EXOC6B: variants seen among roughly 807,000 people sequenced by gnomAD.
The protein encoded by EXOC6B is exocyst complex component 6B, also known as SEC15 homolog B.
In EXOC6B, 54 loss-of-function variants were observed where a neutral mutation model predicts 113.5. The ratio of observed to expected loss-of-function variants is 0.48; its 90% CI spans 0.38 to 0.60. EXOC6B has a LOEUF of 0.60. EXOC6B is among the 20% of genes least tolerant of loss of function. The pLI is 0.00. For missense variants in EXOC6B, 797 were observed against 977.5 expected, an observed-to-expected ratio of 0.82 and a Z score of 2.46; for synonymous variants, 357 against 339.0, an observed-to-expected ratio of 1.05 and a Z score of -0.58.
intron 18 of EXOC6B, among the ~76,000 whole-genome samples, chr2:72,404,715 CA>C (rs1405480004): frequency 6.6e-6 from 1 of 152,172 alleles, no homozygotes; most frequent in Non-Finnish European, 1.5e-5. Flanking sequence ...TGTACATCAC[CA>C]TCATCAAAGA....
intron 6 of EXOC6B, among the ~76,000 whole-genome samples, chr2:72,676,435 T>C (rs1232680717): frequency 6.6e-6 from 1 of 152,232 alleles, no homozygotes; most frequent in African/African-American, 2.4e-5. Context: ...ATTGTTTTGC[T>C]CTTTTGTCTG....
chr2:72,496,673 T>C (rs558809149), intron 13 of EXOC6B, 114 bp from the exon 14 acceptor site: 1 of 690,284 alleles, frequency 1.4e-6, no homozygotes, highest in South Asian at 1.6e-5. Context: ...TGAACTCCAA[T>C]CTTAATATAT....
At chr2:72,401,513 A>ATCTTAAGTGAAAT (rs1693174256) in intron 18 of EXOC6B, among the ~76,000 whole-genome samples, 3 of 39,688 alleles carry the variant, frequency 7.6e-5, no homozygotes, top group Non-Finnish European at 1.1e-4. Flanking sequence ...ATATATATAT[A>ATCTTAAGTGAAAT]TACATATATA....
intron 1 of EXOC6B, among the ~76,000 whole-genome samples, chr2:72,782,999 C>G (rs1211108393): frequency 6.6e-6 from 1 of 152,144 alleles, no homozygotes; most frequent in Non-Finnish European, 1.5e-5. Flanking sequence ...TGCAGTTATC[C>G]CTCTGATATA....
At chr2:72,209,151 A>C (rs1346722528) in intron 20 of EXOC6B, among the ~76,000 whole-genome samples, 1 of 138,116 alleles carries the variant, frequency 7.2e-6, no homozygotes, top group East Asian at 2.4e-4. Context: ...TGAACCCGGG[A>C]GGCAGAGGTT....
intron 20 of EXOC6B, among the ~76,000 whole-genome samples, chr2:72,259,398 A>G (rs1683566765): frequency 6.6e-6 from 1 of 152,222 alleles, no homozygotes; most frequent in Admixed American, 6.5e-5. Flanking sequence ...ATTCAATTGT[A>G]TGTATATACT....
intron 20 of EXOC6B, among the ~76,000 whole-genome samples, chr2:72,310,850 A>AAC (rs375159478): frequency 0.092 from 11,091 of 120,246 alleles, 567 homozygotes; most frequent in Admixed American, 0.15. Context: ...TATTTCATTT[A>AAC]ACACACACAC....
At chr2:72,378,555 T>C (rs1262814169) in intron 19 of EXOC6B, among the ~76,000 whole-genome samples, 3 of 152,218 alleles carry the variant, frequency 2.0e-5, no homozygotes, top group Admixed American at 2.0e-4. Context: ...TACAATTGTT[T>C]ATGGCAAAAG....
chr2:72,810,892 T>C (rs189081127), intron 1 of EXOC6B, among the ~76,000 whole-genome samples: 26 of 151,740 alleles, frequency 1.7e-4, no homozygotes, highest in African/African-American at 5.8e-4. Context: ...TGACAAAAAG[T>C]ACAAAAAGTG....
At chr2:72,211,240 A>G (rs749236486) in intron 20 of EXOC6B, among the ~76,000 whole-genome samples, 1 of 152,226 alleles carries the variant, frequency 6.6e-6, no homozygotes, top group Non-Finnish European at 1.5e-5. Flanking sequence ...TTCTGGACAC[A>G]ATTTCTCCAA....
intron 1 of EXOC6B, among the ~76,000 whole-genome samples, chr2:72,771,786 G>A (rs925287235): frequency 6.6e-6 from 1 of 152,110 alleles, no homozygotes; most frequent in Non-Finnish European, 1.5e-5. Flanking sequence ...CCCAGCCTGG[G>A]CAACATGGTG....
chr2:72,423,789 A>G (rs959129999), intron 18 of EXOC6B, among the ~76,000 whole-genome samples: 2 of 152,158 alleles, frequency 1.3e-5, no homozygotes, highest in Non-Finnish European at 2.9e-5. Flanking sequence ...ACATGAACAC[A>G]CACACTTATT....
At chr2:72,546,931 T>C (rs576957819) in intron 8 of EXOC6B, among the ~76,000 whole-genome samples, 5 of 152,346 alleles carry the variant, frequency 3.3e-5, no homozygotes, top group South Asian at 2.1e-4. Flanking sequence ...CAAAGGTCTG[T>C]AGTCAATAGA....
chr2:72,575,889 C>T (rs1455996061), intron 6 of EXOC6B, among the ~76,000 whole-genome samples: 1 of 151,980 alleles, frequency 6.6e-6, no homozygotes, highest in African/African-American at 2.4e-5. Context: ...CCTTTTTAAC[C>T]CTGGAGCCAT....
At chr2:72,594,978 G>A (rs1410956990) in intron 6 of EXOC6B, among the ~76,000 whole-genome samples, 1 of 152,024 alleles carries the variant, frequency 6.6e-6, no homozygotes, top group East Asian at 1.9e-4. Context: ...GCATGGTGAC[G>A]CCGGACGCAG....
intron 18 of EXOC6B, among the ~76,000 whole-genome samples, chr2:72,447,324 TG>T (rs1164961242): frequency 6.6e-6 from 1 of 152,208 alleles, no homozygotes; most frequent in African/African-American, 2.4e-5. Flanking sequence ...GCCTCACATA[TG>T]ATAGACACCT....
chr2:72,643,410 A>G (rs1055380382), intron 6 of EXOC6B, among the ~76,000 whole-genome samples: 1 of 148,766 alleles, frequency 6.7e-6, no homozygotes, highest in African/African-American at 2.5e-5. Context: ...TGGCACATAT[A>G]CACCATGGAA....
At chr2:72,268,813 G>C (rs1284784044) in intron 20 of EXOC6B, among the ~76,000 whole-genome samples, 1 of 152,054 alleles carries the variant, frequency 6.6e-6, no homozygotes, top group Admixed American at 6.6e-5. Context: ...GTGACATGCT[G>C]GCTCCCCTTC....
At chr2:72,563,148 G>A (rs538660531) in intron 7 of EXOC6B, among the ~76,000 whole-genome samples, 28 of 151,976 alleles carry the variant, frequency 1.8e-4, no homozygotes, top group Non-Finnish European at 3.7e-4. Context: ...TTTTAATAAC[G>A]GATAAATAAC....
Sources: gnomAD v4.1 joint callset for allele counts (sites outside exome capture counted in the v4.1 genomes callset) on GRCh38, gnomAD v4.1.1 for gene constraint, MANE v1.5 for transcripts, NCBI Gene and HGNC (gene_info 2026-07-23, HGNC 2026-07-21) for gene names.